VDAC1: variants seen among roughly 807,000 people sequenced by gnomAD.
The protein encoded by VDAC1 is non-selective voltage-gated ion channel VDAC1.
Under a neutral mutation model 34.7 loss-of-function variants are expected in VDAC1, and 10 were observed. That is an observed-to-expected ratio of 0.29 (90% confidence interval 0.18 to 0.49). The LOEUF (loss-of-function observed/expected upper bound fraction) is 0.49, where lower values mean the gene tolerates loss of function less well. VDAC1 is among the 20% of genes least tolerant of loss of function. The pLI, the probability that VDAC1 is intolerant of heterozygous loss-of-function variation, is 0.99. For missense variants in VDAC1, 230 were observed against 347.9 expected (o/e 0.66, Z 2.69); for synonymous variants, 130 against 136.0 (o/e 0.96, Z 0.30).
At chr5:133,992,054 T>C (rs987038609) in intron 3 of VDAC1, among the ~76,000 whole-genome samples, 9 of 152,004 alleles carry the variant, frequency 5.9e-5, no homozygotes, top group African/African-American at 1.7e-4. Context: ...CTGACCAACA[T>C]GGAAAAACCC....
intron 6 of VDAC1, among the ~76,000 whole-genome samples, chr5:133,978,120 G>A (rs1290009426): frequency 6.6e-6 from 1 of 151,800 alleles, no homozygotes; most frequent in South Asian, 2.1e-4. Context: ...AAAAACTCTA[G>A]TCTTCACAAG....
chr5:134,078,090 G>C, the VDAC1 span, among the ~76,000 whole-genome samples: 1 of 152,228 alleles, frequency 6.6e-6, no homozygotes, highest in African/African-American at 2.4e-5. Flanking sequence ...AAGGCACAGA[G>C]AGGTGGCCAT....
At chr5:134,027,276 C>T in the VDAC1 span, among the ~76,000 whole-genome samples, 1 of 152,182 alleles carries the variant, frequency 6.6e-6, no homozygotes, top group East Asian at 1.9e-4. Flanking sequence ...AGCCCTCCTC[C>T]CTCTCCCGCC....
the VDAC1 span, among the ~76,000 whole-genome samples, chr5:134,098,520 C>T: frequency 3.3e-5 from 5 of 152,332 alleles, no homozygotes; most frequent in African/African-American, 4.8e-5. Flanking sequence ...CCACCACACC[C>T]GGCCAAGGAT....
At chr5:134,100,967 C>T in the VDAC1 span, among the ~76,000 whole-genome samples, 1 of 152,212 alleles carries the variant, frequency 6.6e-6, no homozygotes, top group African/African-American at 2.4e-5. Flanking sequence ...TCATATTTTT[C>T]TTGGCCTGGC....
upstream of VDAC1, among the ~76,000 whole-genome samples, chr5:134,006,173 C>G (rs929313210): frequency 6.6e-6 from 1 of 152,120 alleles, no homozygotes. Flanking sequence ...GAGCCCCCTT[C>G]AAGATCCTGA....
the VDAC1 span, among the ~76,000 whole-genome samples, chr5:134,038,599 G>A: frequency 6.6e-6 from 1 of 152,068 alleles, no homozygotes; most frequent in African/African-American, 2.4e-5. Flanking sequence ...GTTCAAAACA[G>A]CTACAGCATT....
chr5:134,048,883 A>G, the VDAC1 span, among the ~76,000 whole-genome samples: 1 of 152,340 alleles, frequency 6.6e-6, no homozygotes, highest in Admixed American at 6.5e-5. Context: ...TACTTGGCAC[A>G]AATGGTACCT....
At chr5:134,076,436 C>T in the VDAC1 span, among the ~76,000 whole-genome samples, 878 of 152,304 alleles carry the variant, frequency 5.8e-3, 8 homozygotes, top group African/African-American at 0.02. Context: ...ATATGTGTTT[C>T]GGTGTGTCTA....
upstream of VDAC1, among the ~76,000 whole-genome samples, chr5:134,007,167 C>T (rs568162740): frequency 1.3e-5 from 2 of 151,874 alleles, no homozygotes; most frequent in Non-Finnish European, 2.9e-5. Context: ...TTGCTTGAAC[C>T]CAGGAGGCGG....
the VDAC1 span, among the ~76,000 whole-genome samples, chr5:134,033,808 C>T: frequency 3.0e-4 from 45 of 151,718 alleles, 1 homozygote; most frequent in East Asian, 2.5e-3. Flanking sequence ...CTGGCTAACA[C>T]GGTGAAACCC....
At chr5:133,983,983 G>A (rs72792763) in intron 5 of VDAC1, among the ~76,000 whole-genome samples, 7,692 of 152,168 alleles carry the variant, frequency 0.051, 216 homozygotes, top group East Asian at 0.13. Context: ...GCAGATGCCT[G>A]TGCTCTGCTT....
chr5:133,972,902 T>C, intron 8 of VDAC1, 40 bp from the exon 9 acceptor site: 2 of 1,526,178 alleles, frequency 1.3e-6, no homozygotes, highest in South Asian at 2.3e-5. Context: ...GGAGGAGGAA[T>C]GGAGGAAAGA....
the VDAC1 span, among the ~76,000 whole-genome samples, chr5:134,086,436 TC>T: frequency 6.6e-6 from 1 of 152,040 alleles, no homozygotes; most frequent in South Asian, 2.1e-4. Flanking sequence ...CTGGGAGGCC[TC>T]CCCAAGGGTG....
chr5:134,032,938 C>T, the VDAC1 span, among the ~76,000 whole-genome samples: 1 of 151,762 alleles, frequency 6.6e-6, no homozygotes, highest in Admixed American at 6.6e-5. Context: ...GAGGCTGGGA[C>T]AGGAAGATTG....
At chr5:134,026,095 G>T in the VDAC1 span, among the ~76,000 whole-genome samples, 1 of 152,130 alleles carries the variant, frequency 6.6e-6, no homozygotes, top group Non-Finnish European at 1.5e-5. Context: ...CACACTCCCT[G>T]CCCTCATGCA....
At chr5:133,992,222 G>A in intron 3 of VDAC1, 84 bp downstream of exon 3, 3 of 1,082,792 alleles carry the variant, frequency 2.8e-6, no homozygotes, top group South Asian at 7.3e-5. Flanking sequence ...GGCGACAAGA[G>A]CAAAACTCCA....
At chr5:133,992,255 T>C (rs1464847650) in intron 3 of VDAC1, 51 bp downstream of exon 3, 8 of 1,285,344 alleles carry the variant, frequency 6.2e-6, no homozygotes, top group Non-Finnish European at 8.1e-6. Flanking sequence ...ATAAATAAAA[T>C]AAAATAAAAA....
At chr5:134,023,396 T>A in the VDAC1 span, among the ~76,000 whole-genome samples, 1 of 151,106 alleles carries the variant, frequency 6.6e-6, no homozygotes, top group Non-Finnish European at 1.5e-5. Context: ...GATGACATGT[T>A]GATAGGTGCA....
Sources: allele counts gnomAD v4.1 joint callset (sites outside exome capture counted in the v4.1 genomes callset), GRCh38; gene constraint gnomAD v4.1.1; transcripts MANE v1.5; gene names NCBI Gene and HGNC (gene_info 2026-07-23, HGNC 2026-07-21).